The following BSN variants were observed in gnomAD, a reference collection of about 807,000 sequenced individuals.
BSN encodes the protein bassoon presynaptic cytomatrix protein.
A neutral mutation model predicts 264.8 loss-of-function variants in BSN; 57 were observed. That is an observed-to-expected ratio of 0.22 (90% CI 0.17 to 0.27). The LOEUF (loss-of-function observed/expected upper bound fraction) is 0.27. Among genes scored for constraint, BSN ranks in the 10% least tolerant of loss-of-function variants. BSN has a pLI of 1.00. For missense variants in BSN, 4,615 were observed against 5,232.5 expected (o/e 0.88, Z 3.64); for synonymous variants, 2,059 against 2,137.3 (o/e 0.96, Z 1.01).
chr3:49,590,699 C>T (rs920505154), intron 1 of BSN, among the ~76,000 whole-genome samples: 5 of 151,670 alleles, frequency 3.3e-5, no homozygotes, highest in African/African-American at 1.2e-4. Flanking sequence ...ATTATATCTA[C>T]ATATGTTATA....
At position 49,642,880 on chromosome 3, in the gene BSN, C is replaced by T. The variant is rs745439548; in HGVS notation, c.1246C>T (p.Pro416Ser). The stretch of plus-strand genomic sequence containing the variant: ...GCCAGCACCTGGAGCCAAAACTGAG[C>T]CTGGGGCTAGAATGGGTCCTGGATC... ...PGPAPGAKTE[P>S]GARMGPGSGP... Residue 416 changes from proline to serine, a missense_variant, in exon 3 of 12, where the codon CCT (proline) becomes TCT (serine). By Grantham distance (74) the Pro-to-Ser change is moderately conservative. Coordinates refer to ENST00000296452, the MANE Select transcript of BSN (RefSeq NM_003458.4). The surrounding 1 kb of genome is among the most constrained non-coding windows in gnomAD (Gnocchi z 7.0). 6.2e-7 allele frequency: 1 copy of T among 1,613,684 alleles called. No individual in the cohort carries two copies. Among genetic ancestry groups the T allele is most frequent in the Non-Finnish European group, 8.5e-7 (1 of 1,179,958 alleles).
At chr3:49,659,101 G>A (rs905055370) in intron 5 of BSN, among the ~76,000 whole-genome samples, 14 of 152,200 alleles carry the variant, frequency 9.2e-5, no homozygotes, top group African/African-American at 2.7e-4. Context: ...CAGAGGCATC[G>A]TAAGGTAGAT....
chr3:49,625,492 AC>A lies in BSN; in HGVS notation c.633+111del. On this transcript the variant is annotated intron_variant, in intron 2 of 11. Transcript: ENST00000296452. The surrounding 1 kb of genome is among the most constrained non-coding windows in gnomAD (Gnocchi z 4.4). Reference sequence around the variant, plus strand: ...TCTCTTTTCCTGGTCATTTCCCTTGACCACCAGCATTTGTGTCCTCCTGCAG... The same window carrying A: ...TCTCTTTTCCTGGTCATTTCCCTTGACACCAGCATTTGTGTCCTCCTGCAG... The A allele has an allele frequency of 8.7e-7, 1 of 1,146,036 alleles. No homozygotes were observed. Among genetic ancestry groups the A allele is most frequent in the Non-Finnish European group, 1.2e-6 (1 of 868,818 alleles). The allele number at this position is 1,146,036 out of a possible 1,614,324, so 71.0% of individuals were successfully genotyped here. A position where few individuals can be genotyped will look rare whatever the true frequency, so the allele number is the denominator to read the frequency against.
chr3:49,663,028 C>T lies in BSN; in HGVS notation c.10870C>T (p.Pro3624Ser). 6.2e-7 allele frequency: 1 copy of T among 1,613,916 alleles called. No individual in the cohort carries two copies. The highest frequency in any genetic ancestry group is 8.5e-7 in the Non-Finnish European group (1 of 1,180,022). ...RHSYHDYDEP[P>S]EEGLWPHDEG... ...CAGCTACCATGACTACGATGAACCC[C>T]CTGAGGAGGGCCTGTGGCCTCATGA... The change falls in exon 7 of 12, where the codon CCT (proline) becomes TCT (serine). Residue 3624 changes from proline (P) to serine (S), a missense_variant. Pro to Ser is a moderately conservative substitution (Grantham distance 74). Transcript: ENST00000296452.
rs1575450493 is a variant in BSN at position 49,657,148 on chromosome 3, T to C, written c.7592T>C (p.Leu2531Pro). ...CGTGAGCCTGTGCTGCACCGGGGTC[T>C]CCCCAGCTCTGCCTCAGACATGTCA... ...QPREPVLHRG[L>P]PSSASDMSLQ... Residue 2531 changes from leucine to proline, a missense_variant, in exon 5 of 12, where the codon CTC becomes CCC. Transcript: ENST00000296452. 1 of 1,613,278 alleles carries C rather than the reference T, an allele frequency of 6.2e-7. No homozygotes were observed.
At chr3:49,624,875 G>A in intron 1 of BSN, 100 bp from the exon 2 acceptor site, 2 of 1,105,352 alleles carry the variant, frequency 1.8e-6, no homozygotes, top group Non-Finnish European at 2.5e-6. Context: ...GAGGAAGAGG[G>A]TGGTGATGGG....
At chr3:49,623,343 C>T (rs754692100) in intron 1 of BSN, among the ~76,000 whole-genome samples, 4 of 152,212 alleles carry the variant, frequency 2.6e-5, no homozygotes, top group Non-Finnish European at 5.9e-5. Flanking sequence ...CAGACTAAAG[C>T]AGGGAGAGAA....
At position 49,655,931 on chromosome 3, in the gene BSN, G is replaced by A; in HGVS notation, c.6375G>A (p.Val2125=). Residue 2125 remains valine, a synonymous_variant, in exon 5 of 12, where the codon GTG becomes GTA. Coordinates refer to ENST00000296452, the MANE Select transcript of BSN (RefSeq NM_003458.4). The part of the protein sequence containing the change: ...HGSGGGGPDL[V]QYQPQHGPGL... ...GTGGTGGTGGTGGCCCTGACCTTGT[G>A]CAGTACCAGCCCCAGCACGGGCCCG... is the stretch of plus-strand genomic sequence containing the variant. 6.2e-7 allele frequency: 1 copy of A among 1,611,522 alleles called. No homozygotes were observed. The highest frequency in any genetic ancestry group is 8.5e-7 in the Non-Finnish European group (1 of 1,179,972).
rs2052555355 is a variant in BSN at position 49,652,783 on chromosome 3, G to A, written c.3227G>A (p.Arg1076Gln). ...RIRSTARKTR[R>Q]DKEELRAQRR... ...CGCAGCACGGCCCGCAAGACCCGGC[G>A]GGACAAGGAAGAACTGCGGGCCCAG... The change falls in exon 5 of 12, where the codon CGG becomes CAG. Residue 1076 changes from arginine (R) to glutamine (Q), a missense_variant. Coordinates refer to ENST00000296452, the MANE Select transcript of BSN (RefSeq NM_003458.4). 7 of 1,549,696 alleles carry A rather than the reference G, an allele frequency of 4.5e-6. No homozygotes were observed. The Admixed American group carries it at 5.8e-5, about 13-fold the overall frequency.
intron 3 of BSN, among the ~76,000 whole-genome samples, chr3:49,648,151 A>T (rs2052514091): frequency 6.6e-6 from 1 of 152,226 alleles, no homozygotes; most frequent in Non-Finnish European, 1.5e-5. Flanking sequence ...ATTTGGTCAG[A>T]GCACTTAACA....
At chr3:49,594,593 C>T (rs1225528169) in intron 1 of BSN, among the ~76,000 whole-genome samples, 1 of 152,136 alleles carries the variant, frequency 6.6e-6, no homozygotes, top group Non-Finnish European at 1.5e-5. Context: ...CACAGGAAGT[C>T]TTAAATTGGG....
intron 1 of BSN, among the ~76,000 whole-genome samples, chr3:49,572,225 C>CA (rs1295190913): frequency 6.6e-6 from 1 of 152,092 alleles, no homozygotes; most frequent in African/African-American, 2.4e-5. Context: ...CTTTTTGGGA[C>CA]AAAAATAAAT....
rs2052537803 is a variant in BSN at position 49,651,060 on chromosome 3, C to T, written c.1967C>T (p.Pro656Leu). 1 of 1,611,630 alleles carries T rather than the reference C, an allele frequency of 6.2e-7. No individual in the cohort carries two copies. Among genetic ancestry groups the T allele is most frequent in the Admixed American group, 1.7e-5 (1 of 59,274 alleles). The change falls in exon 4 of 12, where the codon CCC (proline) becomes CTC (leucine). Residue 656 changes from proline (P) to leucine (L), a missense_variant. Physicochemically the swap from Pro to Leu is moderately conservative, Grantham distance 98. Transcript: ENST00000296452. This position sits in a 1 kb window ranked among gnomAD's most constrained non-coding sequence, Gnocchi z 5.4. ...TPVVKAVPEA[P>L]KGGEAEDLVG... Reference sequence around the variant, plus strand: ...GTCGTCAAGGCTGTTCCAGAAGCCCCCAAGGGTGGGGAGGCGGAGGTCAGT... The same window carrying T: ...GTCGTCAAGGCTGTTCCAGAAGCCCTCAAGGGTGGGGAGGCGGAGGTCAGT...
rs140933589 is a variant in BSN at position 49,647,824 on chromosome 3, C to T, written c.1519-2788C>T. ...GAAGACTTGGGCCTGGGCCAGGTCT[C>T]CCCTGGCTCTACTCCTACCAGCCCC... On this transcript the variant is annotated intron_variant, in intron 3 of 11. Coordinates refer to ENST00000296452, the MANE Select transcript of BSN (RefSeq NM_003458.4). Among the ~76,000 whole-genome samples, 70 of 152,334 alleles carry T rather than the reference C, an allele frequency of 4.6e-4. No homozygotes were observed. In the East Asian group the frequency reaches 0.013, roughly 29 times the overall value.
Position 49,658,088 on chromosome 3 carries a change from G to A in BSN, c.8532G>A (p.Lys2844=), listed in dbSNP as rs762997930. 17 of 1,613,274 alleles carry A rather than the reference G, an allele frequency of 1.1e-5. No homozygotes were observed. The highest frequency in any genetic ancestry group is 1.4e-5 in the Non-Finnish European group (17 of 1,179,974). ...AGCAGACGCTGCCTCGCCCCATGAA[G>A]ACCCTGCAGCGGTCCCTGTCTGACC... The part of the protein sequence containing the change: ...LRQQTLPRPM[K]TLQRSLSDPK... Residue 2844 remains lysine, a synonymous_variant, in exon 5 of 12, where the codon AAG becomes AAA. Coordinates refer to ENST00000296452, the MANE Select transcript of BSN (RefSeq NM_003458.4).
Position 49,602,020 on chromosome 3 carries a change from A to T in BSN, c.225-22955A>T, listed in dbSNP as rs115850744. Among the ~76,000 whole-genome samples, 691 of 152,282 alleles carry T rather than the reference A, an allele frequency of 4.5e-3. 6 individuals carry two copies. Among genetic ancestry groups the T allele is most frequent in the African/African-American group, 0.016 (656 of 41,572 alleles). On this transcript the variant is annotated intron_variant, in intron 1 of 11. Coordinates refer to ENST00000296452, the MANE Select transcript of BSN (RefSeq NM_003458.4). ...CCTTGCCCTAGTAGAGATGTGGGAA[A>T]GTGGGCCCTGTTTCCTGAGAGCCTC... is the stretch of plus-strand genomic sequence containing the variant.
chr3:49,605,470 A>T (rs1234279218), intron 1 of BSN, among the ~76,000 whole-genome samples: 2 of 9,234 alleles, frequency 2.2e-4, no homozygotes, highest in African/African-American at 4.4e-4. Context: ...ATTATATATA[A>T]TATATATTAT....
At chr3:49,673,011 C>G (rs13093525), downstream of BSN, among the ~76,000 whole-genome samples, 119,059 of 145,510 alleles carry the variant, frequency 0.82, 49,047 homozygotes, top group East Asian at 0.99. Flanking sequence ...GATCTCCTGA[C>G]CTCGTGATCC....
chr3:49,654,929 G>T lies in BSN; in HGVS notation c.5373G>T (p.Arg1791=). The change falls in exon 5 of 12, where the codon CGG becomes CGT. Residue 1791 remains arginine, a synonymous_variant. Coordinates refer to ENST00000296452, the MANE Select transcript of BSN (RefSeq NM_003458.4). The surrounding 1 kb of genome is among the most constrained non-coding windows in gnomAD (Gnocchi z 4.1). ...CAGCCCCATACCGAAGTGGGCCCCG[G>T]GGAAGACCCAGGGAGGCCAAGTTTG... ...VQTAPYRSGP[R]GRPREAKFAR... 1 of 1,611,858 alleles carries T rather than the reference G, an allele frequency of 6.2e-7. No homozygotes were observed. The highest frequency in any genetic ancestry group is 8.5e-7 in the Non-Finnish European group (1 of 1,178,806).
Sources: gnomAD v4.1 joint callset for allele counts (sites outside exome capture counted in the v4.1 genomes callset) on GRCh38, gnomAD v4.1.1 for gene constraint, Gnocchi (gnomAD v3.1) non-coding constraint, MANE v1.5 for transcripts, NCBI Gene and HGNC (gene_info 2026-07-23, HGNC 2026-07-21) for gene names.